STX18: variants seen among roughly 807,000 people sequenced by gnomAD.
STX18 encodes syntaxin-18.
A neutral mutation model predicts 50.1 loss-of-function variants in STX18; 40 were observed. The ratio of observed to expected loss-of-function variants is 0.80; its 90% CI spans 0.62 to 1.04. The LOEUF is 1.04. STX18 is among the 50% of genes least tolerant of loss of function. The probability of loss-of-function intolerance (pLI) is 0.00; values close to 1 mark genes in which losing one functional copy is unlikely to be tolerated. For synonymous variants in STX18, 158 were observed against 151.8 expected, an observed-to-expected ratio of 1.04 and a Z score of -0.30; for missense variants, 410 against 415.8, an observed-to-expected ratio of 0.99 and a Z score of 0.12.
chr4:4,521,004 A>G (rs1162718521), intron 1 of STX18, among the ~76,000 whole-genome samples: 1 of 152,150 alleles, frequency 6.6e-6, no homozygotes, highest in Non-Finnish European at 1.5e-5. Flanking sequence ...AAGATGAAAA[A>G]CATTTTCACC....
At chr4:4,534,969 ACT>A (rs1172830917) in intron 1 of STX18, among the ~76,000 whole-genome samples, 8 of 152,114 alleles carry the variant, frequency 5.3e-5, no homozygotes, top group Admixed American at 3.9e-4. Context: ...ACCCCCTGAC[ACT>A]CTGACCCTCA....
intron 1 of STX18, among the ~76,000 whole-genome samples, chr4:4,497,405 A>C (rs1729228757): frequency 6.6e-6 from 1 of 152,240 alleles, no homozygotes; most frequent in Admixed American, 6.5e-5. Context: ...AGAACATGTT[A>C]CTTTATTACA....
In STX18 at chr4:4,438,477, G is replaced by C. The variant is rs981857214; in HGVS notation, c.530C>G (p.Thr177Arg). The change falls in exon 6 of 11, where the codon ACA (threonine) becomes AGA (arginine). Residue 177 changes from threonine to arginine, a missense_variant. By Grantham distance (71) the Thr-to-Arg change is moderately conservative (BLOSUM62 -1). Coordinates refer to ENST00000306200, the MANE Select transcript of STX18 (RefSeq NM_016930.4). ...TTTCTCAGAAGATGTGGATTCTCTT[G>C]TCTTTGTATTTGGTTCTGGTTCCAG... ...SKLEPEPNTK[T>R]RESTSSEKVS... is the part of the protein sequence containing the mutation. 10 of 1,613,656 alleles carry C rather than the reference G, an allele frequency of 6.2e-6. No individual in the cohort carries two copies. The highest frequency in any genetic ancestry group is 8.5e-6 in the Non-Finnish European group (10 of 1,179,714).
chr4:4,432,314 A>T (rs919284497), intron 7 of STX18, among the ~76,000 whole-genome samples: 7 of 152,250 alleles, frequency 4.6e-5, no homozygotes, highest in Non-Finnish European at 8.8e-5. Context: ...TGAAAGGCAT[A>T]TGAAAATGGT....
At chr4:4,423,610 A>G (rs1386017774) in intron 8 of STX18, 23 bp from the exon 9 acceptor site, 6 of 1,608,764 alleles carry the variant, frequency 3.7e-6, no homozygotes, top group Admixed American at 1.7e-5. Flanking sequence ...AACAGATTAC[A>G]TATTAACTAT....
At chr4:4,535,741 T>TC (rs1731302347) in intron 1 of STX18, among the ~76,000 whole-genome samples, 1 of 152,250 alleles carries the variant, frequency 6.6e-6, no homozygotes, top group African/African-American at 2.4e-5. Context: ...ACCTCCATTG[T>TC]TTCCCAATCC....
At chr4:4,475,349 A>G (rs1328152285) in intron 1 of STX18, among the ~76,000 whole-genome samples, 1 of 152,176 alleles carries the variant, frequency 6.6e-6, no homozygotes, top group African/African-American at 2.4e-5. Flanking sequence ...TAATAACTCA[A>G]TACTTAACAG....
At chr4:4,501,660 T>G (rs530764778) in intron 1 of STX18, among the ~76,000 whole-genome samples, 6 of 152,326 alleles carry the variant, frequency 3.9e-5, no homozygotes, top group African/African-American at 1.4e-4. Context: ...AATAACAAAA[T>G]GTAACCTATT....
chr4:4,433,733 G>A (rs1258083191), intron 7 of STX18, among the ~76,000 whole-genome samples: 1 of 152,080 alleles, frequency 6.6e-6, no homozygotes, highest in African/African-American at 2.4e-5. Flanking sequence ...TGTAAGACAT[G>A]CCAGGAGTGG....
intron 1 of STX18, among the ~76,000 whole-genome samples, chr4:4,517,846 C>T (rs1194342627): frequency 6.7e-6 from 1 of 150,208 alleles, no homozygotes; most frequent in African/African-American, 2.5e-5. Flanking sequence ...GTGGTCTTGG[C>T]TCACTGCAAC....
chr4:4,527,350 T>C (rs2108915553), intron 1 of STX18, among the ~76,000 whole-genome samples: 1 of 152,354 alleles, frequency 6.6e-6, no homozygotes, highest in African/African-American at 2.4e-5. Flanking sequence ...AATAAATGCT[T>C]AATAGCAATA....
intron 1 of STX18, among the ~76,000 whole-genome samples, chr4:4,532,854 A>G (rs955163705): frequency 4.6e-5 from 7 of 152,134 alleles, no homozygotes; most frequent in Non-Finnish European, 8.8e-5. Flanking sequence ...TGTCCAAGAA[A>G]AGGCAAGTGT....
At chr4:4,456,903 G>A (rs1727105510) in intron 5 of STX18, among the ~76,000 whole-genome samples, 1 of 152,198 alleles carries the variant, frequency 6.6e-6, no homozygotes, top group African/African-American at 2.4e-5. Flanking sequence ...TATGCTACCT[G>A]TGGGACTGTG....
At position 4,420,245 on chromosome 4, in the gene STX18, C is replaced by A. The variant is rs772921612; in HGVS notation, c.913-116G>T. The stretch of plus-strand genomic sequence containing the variant: ...TGATCCTGGCTGTAACTATGGGTGT[C>A]GTTCCATCTGTGCTTACCTTGAATA... On this transcript the variant is annotated intron_variant, in intron 10 of 10. Coordinates refer to ENST00000306200, the MANE Select transcript of STX18 (RefSeq NM_016930.4). This position sits in a 1 kb window ranked among gnomAD's most constrained non-coding sequence, Gnocchi z 4.3. 5.2e-6 allele frequency: 4 copies of A among 768,934 alleles called. No individual in the cohort carries two copies. The highest frequency in any genetic ancestry group is 5.2e-5 in the African/African-American group (3 of 58,232). The allele number at this position is 768,934 out of a possible 1,614,324, so 47.6% of individuals were successfully genotyped here.
chr4:4,487,327 CA>C (rs1449269715), intron 1 of STX18, among the ~76,000 whole-genome samples: 1 of 152,174 alleles, frequency 6.6e-6, no homozygotes, highest in African/African-American at 2.4e-5. Flanking sequence ...CTGAATCATC[CA>C]AATCATCATC....
intron 1 of STX18, among the ~76,000 whole-genome samples, chr4:4,538,239 C>T (rs1469313658): frequency 2.6e-5 from 4 of 152,056 alleles, no homozygotes; most frequent in African/African-American, 9.7e-5. Flanking sequence ...TACAATGTTG[C>T]AAAGGATTCT....
chr4:4,529,607 C>T (rs1477795774), intron 1 of STX18, among the ~76,000 whole-genome samples: 2 of 152,178 alleles, frequency 1.3e-5, no homozygotes, highest in South Asian at 2.1e-4. Flanking sequence ...CCACAGGACA[C>T]CTGTGCATGC....
intron 6 of STX18, 117 bp from the exon 7 acceptor site, chr4:4,434,975 T>C (rs1725700304): frequency 2.9e-6 from 2 of 688,326 alleles, no homozygotes; most frequent in Admixed American, 3.4e-5. Context: ...TTTGTCTATA[T>C]ATTTCATGAT....
chr4:4,437,203 G>T (rs959902629), intron 6 of STX18, among the ~76,000 whole-genome samples: 2 of 152,036 alleles, frequency 1.3e-5, no homozygotes, highest in African/African-American at 2.4e-5. Flanking sequence ...GATCCAACCC[G>T]CCTTGGCCTC....
Sources: gnomAD v4.1 joint callset for allele counts (sites outside exome capture counted in the v4.1 genomes callset) on GRCh38, gnomAD v4.1.1 for gene constraint, Gnocchi (gnomAD v3.1) non-coding constraint, MANE v1.5 for transcripts, NCBI Gene and HGNC (gene_info 2026-07-23, HGNC 2026-07-21) for gene names.